Variants in ENAH observed in about 807,000 individuals in gnomAD.
ENAH encodes the protein ENAH actin regulator.
ENAH carries 23 observed loss-of-function variants against 78.7 expected under a neutral mutation model. The ratio of observed to expected loss-of-function variants is 0.29; its 90% CI spans 0.21 to 0.41. ENAH has a LOEUF of 0.41. ENAH is among the 10% of genes least tolerant of loss of function. ENAH has a pLI of 1.00. For synonymous variants in ENAH, 226 were observed against 241.0 expected (o/e 0.94, Z 0.58); for missense variants, 544 against 691.0 (o/e 0.79, Z 2.39).
At position 225,501,034 on chromosome 1, in the gene ENAH, A is replaced by G. The variant is rs758672887; in HGVS notation, c.1575T>C (p.Asn525=). 5.9e-5 allele frequency: 95 copies of G among 1,614,038 alleles called. No homozygotes were observed. Among genetic ancestry groups the G allele is most frequent in the Non-Finnish European group, 8.0e-5 (94 of 1,180,022 alleles). ...KSTPLSQPSA[N]GVQTEGLDYD... ...AGTCAAGTCCTTCCGTCTGGACTCC[A>G]TTGGCACTGGGCTGTGATAAGGGTG... The change falls in exon 12 of 14, where the codon AAT becomes AAC. Residue 525 remains asparagine, a synonymous_variant. Transcript: ENST00000366843.
At chr1:225,602,665 C>A (rs1356803902) in intron 1 of ENAH, among the ~76,000 whole-genome samples, 1 of 151,914 alleles carries the variant, frequency 6.6e-6, no homozygotes, top group Non-Finnish European at 1.5e-5. Context: ...AAAATAGAGA[C>A]TTCAAAAGCC....
intron 3 of ENAH, among the ~76,000 whole-genome samples, chr1:225,540,815 T>TA (rs2096585315): frequency 6.6e-6 from 1 of 151,980 alleles, no homozygotes; most frequent in Non-Finnish European, 1.5e-5. Flanking sequence ...CTCACACAAT[T>TA]AAAATAAGAG....
intron 3 of ENAH, among the ~76,000 whole-genome samples, chr1:225,544,561 A>G (rs141168100): frequency 5.3e-5 from 8 of 152,344 alleles, no homozygotes; most frequent in Admixed American, 6.5e-5. Flanking sequence ...CATGAAACCC[A>G]TATTTATCAC....
intron 10 of ENAH, among the ~76,000 whole-genome samples, chr1:225,511,297 C>T (rs2096375397): frequency 6.6e-6 from 1 of 152,160 alleles, no homozygotes; most frequent in South Asian, 2.1e-4. Flanking sequence ...TCATCAAGTA[C>T]TTCTAGTGAA....
intron 1 of ENAH, among the ~76,000 whole-genome samples, chr1:225,606,762 G>T (rs2148064013): frequency 7.5e-6 from 1 of 133,954 alleles, no homozygotes; most frequent in South Asian, 2.4e-4. Context: ...AGAATCCCTT[G>T]AACCCAGGAG....
intron 1 of ENAH, among the ~76,000 whole-genome samples, chr1:225,599,461 T>A (rs1301239923): frequency 2.6e-5 from 4 of 152,130 alleles, no homozygotes; most frequent in Non-Finnish European, 5.9e-5. Flanking sequence ...CGGAGTAAAG[T>A]GCTGTGACTT....
chr1:225,600,338 A>G (rs1362329815), intron 1 of ENAH, among the ~76,000 whole-genome samples: 1 of 152,146 alleles, frequency 6.6e-6, no homozygotes, highest in African/African-American at 2.4e-5. Context: ...ATTGCACTCC[A>G]GCCTGGGCAA....
chr1:225,585,153 T>C (rs1354089063), intron 1 of ENAH, among the ~76,000 whole-genome samples: 1 of 129,662 alleles, frequency 7.7e-6, no homozygotes, highest in African/African-American at 3.0e-5. Flanking sequence ...GAGGCAGAGG[T>C]TGCAGCAAGC....
chr1:225,595,505 T>C (rs2096898231), intron 1 of ENAH, among the ~76,000 whole-genome samples: 1 of 152,156 alleles, frequency 6.6e-6, no homozygotes, highest in Non-Finnish European at 1.5e-5. Flanking sequence ...AAATGTGGTA[T>C]GTCATGACAA....
intron 2 of ENAH, among the ~76,000 whole-genome samples, chr1:225,566,554 GGTAAATATTTTTTCCCAAAGTATTTT>G (rs1315101707): frequency 2.6e-5 from 4 of 152,002 alleles, no homozygotes; most frequent in Admixed American, 6.6e-5. Context: ...CAACATCTTT[GGTAAATATTTTTTCCCAAAGTATTTT>G]GTAAATCTAC....
intron 1 of ENAH, among the ~76,000 whole-genome samples, chr1:225,597,033 TC>T (rs1190906383): frequency 6.6e-6 from 1 of 152,116 alleles, no homozygotes; most frequent in Admixed American, 6.6e-5. Flanking sequence ...TTCCCACCTC[TC>T]CCCTTCTTTT....
chr1:225,628,086 A>G (rs377307728), intron 1 of ENAH, among the ~76,000 whole-genome samples: 3 of 152,350 alleles, frequency 2.0e-5, no homozygotes, highest in South Asian at 2.1e-4. Context: ...TTCTAATCCA[A>G]TCTCAACCAC....
chr1:225,548,199 A>C (rs2096624316), intron 3 of ENAH, among the ~76,000 whole-genome samples: 1 of 129,720 alleles, frequency 7.7e-6, no homozygotes, highest in African/African-American at 2.9e-5. Context: ...TCCATATAGA[A>C]TTTTCATTTT....
chr1:225,635,842 G>T (rs1022730857), intron 1 of ENAH, among the ~76,000 whole-genome samples: 11 of 152,160 alleles, frequency 7.2e-5, no homozygotes, highest in African/African-American at 9.7e-5. Flanking sequence ...GGACCTAGAA[G>T]CCCAGGAATG....
At chr1:225,517,164 T>C in intron 6 of ENAH, 32 bp downstream of exon 6, 1 of 1,469,440 alleles carries the variant, frequency 6.8e-7, no homozygotes, top group Non-Finnish European at 9.0e-7. Flanking sequence ...TTTCAAGTGA[T>C]TAGCTGTTAG....
At chr1:225,651,822 T>C (rs543445200) in intron 1 of ENAH, among the ~76,000 whole-genome samples, 2 of 152,240 alleles carry the variant, frequency 1.3e-5, no homozygotes, top group African/African-American at 4.8e-5. Context: ...ACACACCACA[T>C]CACGGTTTAT....
intron 3 of ENAH, among the ~76,000 whole-genome samples, chr1:225,531,558 T>C (rs1409468366): frequency 6.6e-6 from 1 of 152,140 alleles, no homozygotes; most frequent in African/African-American, 2.4e-5. Flanking sequence ...ACAGTAGTTA[T>C]CTTCCACTCT....
At chr1:225,515,207 A>G (rs1331580093) in intron 6 of ENAH, 3 of 318,884 alleles carry the variant, frequency 9.4e-6, no homozygotes, top group Non-Finnish European at 1.7e-5. Context: ...TACTTATAAA[A>G]TTTGGAAGAG....
chr1:225,605,754 C>T (rs142104957), intron 1 of ENAH, among the ~76,000 whole-genome samples: 23 of 152,266 alleles, frequency 1.5e-4, no homozygotes, highest in Non-Finnish European at 3.2e-4. Context: ...CAGGTGGGCC[C>T]TAATCCAATA....
Sources: gnomAD v4.1 joint callset for allele counts (sites outside exome capture counted in the v4.1 genomes callset) on GRCh38, gnomAD v4.1.1 for gene constraint, MANE v1.5 for transcripts, NCBI Gene and HGNC (gene_info 2026-07-23, HGNC 2026-07-21) for gene names.